Variants in PDE4D observed in about 807,000 individuals in gnomAD.
The protein encoded by PDE4D is 3',5'-cyclic-AMP phosphodiesterase 4D.
A neutral mutation model predicts 87.4 loss-of-function variants in PDE4D; 24 were observed. The ratio of observed to expected loss-of-function variants is 0.27; its 90% CI spans 0.20 to 0.39. The LOEUF (loss-of-function observed/expected upper bound fraction) is 0.39, where lower values mean the gene tolerates loss of function less well. Ranked by LOEUF, PDE4D falls within the 10% of genes least tolerant of loss-of-function variation. The pLI is 1.00. For synonymous variants in PDE4D, 384 were observed against 383.2 expected (o/e 1.00, Z -0.02); for missense variants, 714 against 1,041.0 (o/e 0.69, Z 4.32).
At chr5:59,795,685 G>A (rs1360833677) in intron 1 of PDE4D, among the ~76,000 whole-genome samples, 13 of 152,096 alleles carry the variant, frequency 8.5e-5, no homozygotes, top group East Asian at 1.9e-4. Context: ...TCCTTAGCAC[G>A]GTACTAGGTC....
At chr5:59,607,800 C>G (rs962080850) in intron 1 of PDE4D, among the ~76,000 whole-genome samples, 1 of 152,076 alleles carries the variant, frequency 6.6e-6, no homozygotes, top group Admixed American at 6.6e-5. Flanking sequence ...AGCAAGCTAT[C>G]CATGCGCTTC....
Position 59,790,064 on chromosome 5 carries a change from T to C in PDE4D, c.455+103104A>G, listed in dbSNP as rs572323633. Among the ~76,000 whole-genome samples the C allele has an allele frequency of 9.9e-5, 15 of 152,248 alleles. No individual in the cohort carries two copies. The South Asian group carries it at 2.9e-3, about 30-fold the overall frequency. On this transcript the variant is annotated intron_variant, in intron 1 of 14. Coordinates refer to ENST00000340635, the MANE Select transcript of PDE4D (RefSeq NM_001104631.2). ...TCCTGTCTACTTTATGCCAAACCTG[T>C]GACAGAGACACACAGAGCCTGGAGA...
intron 1 of PDE4D, among the ~76,000 whole-genome samples, chr5:60,471,023 G>A (rs1280904109): frequency 6.6e-6 from 1 of 152,142 alleles, no homozygotes. Flanking sequence ...TATGAGCAAT[G>A]TCAGTTGAAA....
chr5:59,429,719 A>T (rs1795833608), intron 1 of PDE4D, among the ~76,000 whole-genome samples: 2 of 152,118 alleles, frequency 1.3e-5, no homozygotes, highest in African/African-American at 4.8e-5. Flanking sequence ...ACTTTTGGAC[A>T]TATTAGTTAA....
chr5:60,345,849 AATATGTTCAAATGCCTGAAAC>A (rs1758709698), intron 1 of PDE4D, among the ~76,000 whole-genome samples: 1 of 152,138 alleles, frequency 6.6e-6, no homozygotes, highest in South Asian at 2.1e-4. Context: ...CAGGAGAGTA[AATATGTTCAAATGCCTGAAAC>A]ATATTATCAA....
intron 3 of PDE4D, among the ~76,000 whole-genome samples, chr5:59,920,121 T>G (rs1754507491): frequency 6.6e-6 from 1 of 152,196 alleles, no homozygotes; most frequent in South Asian, 2.1e-4. Flanking sequence ...CAATATATGC[T>G]GGGGCATTGA....
chr5:59,836,073 C>T (rs917466979), intron 1 of PDE4D, among the ~76,000 whole-genome samples: 1 of 151,916 alleles, frequency 6.6e-6, no homozygotes, highest in Non-Finnish European at 1.5e-5. Context: ...TCTATTGAGG[C>T]TGTTGTGAAG....
intron 3 of PDE4D, among the ~76,000 whole-genome samples, chr5:59,917,350 G>A (rs1385608633): frequency 6.6e-6 from 1 of 152,110 alleles, no homozygotes; most frequent in East Asian, 1.9e-4. Flanking sequence ...GTCTCAATGG[G>A]GAACAAACCA....
intron 2 of PDE4D, among the ~76,000 whole-genome samples, chr5:60,143,420 A>G (rs1780707335): frequency 6.6e-6 from 1 of 152,196 alleles, no homozygotes; most frequent in East Asian, 1.9e-4. Flanking sequence ...AGACTTACAC[A>G]TTAGACACAC....
intron 3 of PDE4D, among the ~76,000 whole-genome samples, chr5:59,960,868 A>T (rs956704313): frequency 6.6e-6 from 1 of 152,178 alleles, no homozygotes; most frequent in Non-Finnish European, 1.5e-5. Flanking sequence ...TAAAAAATTT[A>T]AAAAATTAAA....
At chr5:59,566,750 G>A (rs1366174511) in intron 1 of PDE4D, among the ~76,000 whole-genome samples, 2 of 152,108 alleles carry the variant, frequency 1.3e-5, no homozygotes, top group African/African-American at 4.8e-5. Context: ...CATGTAGGAA[G>A]ATGATGTCAG....
At chr5:59,636,603 A>G (rs1832280977) in intron 1 of PDE4D, among the ~76,000 whole-genome samples, 1 of 152,192 alleles carries the variant, frequency 6.6e-6, no homozygotes, top group Non-Finnish European at 1.5e-5. Context: ...AACACCACAC[A>G]TCTACAACCA....
chr5:59,273,087 T>G (rs1277143376), intron 1 of PDE4D, among the ~76,000 whole-genome samples: 1 of 152,034 alleles, frequency 6.6e-6, no homozygotes, highest in Non-Finnish European at 1.5e-5. Context: ...AAGAACAAAG[T>G]ATTTTGGAGA....
intron 1 of PDE4D, among the ~76,000 whole-genome samples, chr5:59,617,596 T>C (rs564297602): frequency 6.6e-6 from 1 of 152,044 alleles, no homozygotes; most frequent in Non-Finnish European, 1.5e-5. Flanking sequence ...AAGAACACCA[T>C]GTGAAGAGAC....
chr5:59,819,239 A>T (rs894381024), intron 1 of PDE4D, among the ~76,000 whole-genome samples: 21 of 152,194 alleles, frequency 1.4e-4, no homozygotes, highest in African/African-American at 5.1e-4. Context: ...AAGTTTCCTA[A>T]GGGTGGAATC....
At chr5:59,171,569 A>G (rs1198030657) in intron 5 of PDE4D, among the ~76,000 whole-genome samples, 2 of 151,928 alleles carry the variant, frequency 1.3e-5, no homozygotes, top group East Asian at 3.9e-4. Context: ...AGTTGCTCCT[A>G]TACACCTTTA....
chr5:59,184,800 C>T (rs1043590637), intron 4 of PDE4D, among the ~76,000 whole-genome samples: 1 of 152,030 alleles, frequency 6.6e-6, no homozygotes, highest in Non-Finnish European at 1.5e-5. Context: ...TATGATATGG[C>T]GCTTCTCCAA....
intron 1 of PDE4D, among the ~76,000 whole-genome samples, chr5:59,529,852 G>T (rs1207959255): frequency 6.6e-6 from 1 of 152,158 alleles, no homozygotes; most frequent in South Asian, 2.1e-4. Flanking sequence ...AGATATGCTA[G>T]TGCACTGTAT....
intron 2 of PDE4D, among the ~76,000 whole-genome samples, chr5:60,179,831 A>C (rs530742593): frequency 5.3e-5 from 8 of 152,344 alleles, no homozygotes; most frequent in African/African-American, 1.9e-4. Context: ...AGTTAAAAAT[A>C]AGCAGCCATT....
Sources: gnomAD v4.1 joint callset for allele counts (sites outside exome capture counted in the v4.1 genomes callset) on GRCh38, gnomAD v4.1.1 for gene constraint, MANE v1.5 for transcripts, NCBI Gene and HGNC (gene_info 2026-07-23, HGNC 2026-07-21) for gene names.